Variants in ZNF7 observed in about 807,000 individuals in gnomAD.
ZNF7 encodes the protein C2-H2 type zinc finger protein.
ZNF7 carries 10 observed loss-of-function variants against 12.0 expected under a neutral mutation model. The observed-to-expected ratio is 0.83, with a 90% CI of 0.51 to 1.42. ZNF7 has a LOEUF of 1.42. ZNF7 is among the 40% of genes most tolerant of loss of function. ZNF7 has a pLI of 0.00. For synonymous variants in ZNF7, 334 were observed against 295.0 expected (o/e 1.13, Z -1.35); for missense variants, 854 against 837.2 (o/e 1.02, Z -0.25).
intron 4 of ZNF7, among the ~76,000 whole-genome samples, chr8:144,840,304 C>T (rs1468659944): frequency 1.3e-5 from 2 of 152,208 alleles, no homozygotes; most frequent in African/African-American, 4.8e-5. Flanking sequence ...CTCTGATTCT[C>T]CAGGACTGAT....
chr8:144,841,312 G>A, intron 4 of ZNF7, 43 bp from the exon 5 acceptor site: 1 of 1,544,360 alleles, frequency 6.5e-7, no homozygotes, highest in Non-Finnish European at 8.7e-7. Context: ...TCATTTCTCT[G>A]AGCACAGGGC....
chr8:144,830,242 C>G (rs754765169), intron 3 of ZNF7, among the ~76,000 whole-genome samples: 2 of 152,228 alleles, frequency 1.3e-5, no homozygotes, highest in South Asian at 4.1e-4. Context: ...GGAACTGACG[C>G]GGGCATCGTT....
chr8:144,838,218 G>A lies in ZNF7; in HGVS notation c.247+711G>A, dbSNP rs1427493431. The A allele has an allele frequency of 1.0e-5, 7 of 692,296 alleles. 1 individual carries two copies. In the Admixed American group the frequency reaches 1.4e-4, roughly 14 times the overall value. 42.9% of individuals were successfully genotyped at this position (692,296 alleles called of 1,614,324 possible). A position where few individuals can be genotyped will look rare whatever the true frequency, so the allele number is the denominator to read the frequency against. ...CTCCCTGCGTGTCTGTGTTCATGTG[G>A]CCATCTCCTTAGAAGGACACCAGTC... On this transcript the variant is annotated intron_variant, in intron 4 of 4. Transcript: ENST00000532777.
Position 144,829,466 on chromosome 8 carries a change from G to T in ZNF7, c.4-12G>T. 6.2e-7 allele frequency: 1 copy of T among 1,614,054 alleles called. No individual in the cohort carries two copies. Among genetic ancestry groups the T allele is most frequent in the South Asian group, 1.1e-5 (1 of 91,088 alleles). On this transcript the variant is annotated splice_polypyrimidine_tract_variant and intron_variant, in intron 2 of 4. Coordinates refer to ENST00000532777, the MANE Select transcript of ZNF7 (RefSeq NM_003416.4). ...CCAGGGATTCCTGGGGTGCTGGTGT[G>T]TGTCCTTTCAGGAGGTGGTAACATT...
rs1325427905 is a variant in ZNF7, at chr8:144,843,093, T to C, written c.1986T>C (p.Tyr662=). 1.2e-6 allele frequency: 2 copies of C among 1,612,842 alleles called. No individual in the cohort carries two copies. Among genetic ancestry groups the C allele is most frequent in the Admixed American group, 1.7e-5 (1 of 59,736 alleles). ...GAATTCACACCGGGGAGAAGCCTTATAAATGCAATGACTGTGGCAAAGCTT... is the reference window on the plus strand; with the variant it reads ...GAATTCACACCGGGGAGAAGCCTTACAAATGCAATGACTGTGGCAAAGCTT... ...HQRIHTGEKP[Y]KCNDCGKAFN... is the part of the protein sequence containing the mutation. The change falls in exon 5 of 5, where the codon TAT becomes TAC. Residue 662 remains tyrosine, a synonymous_variant. Transcript: ENST00000532777.
intron 3 of ZNF7, chr8:144,830,820 G>A (rs1026937019): frequency 1.5e-5 from 6 of 391,986 alleles, no homozygotes; most frequent in East Asian, 8.1e-5. Context: ...CGCCACCTCC[G>A]CCTCCTGGGT....
chr8:144,846,627 G>A (rs539348329), downstream of ZNF7: 4 of 162,192 alleles, frequency 2.5e-5, no homozygotes, highest in South Asian at 6.6e-4. Context: ...AAGGCAGCTG[G>A]GTCAGTTCAA....
chr8:144,841,890 C>G lies in ZNF7; in HGVS notation c.783C>G (p.Leu261=). 1 of 1,613,916 alleles carries G rather than the reference C, an allele frequency of 6.2e-7. No homozygotes were observed. The highest frequency in any genetic ancestry group is 1.1e-5 in the South Asian group (1 of 91,070). ...ECAECGKVFR[L]CSQLNQHQRI... is the part of the protein sequence containing the mutation. ...CAGAGTGTGGGAAAGTCTTCAGGCTCTGCTCGCAGCTTAATCAGCATCAGA... is the reference window on the plus strand; with the variant it reads ...CAGAGTGTGGGAAAGTCTTCAGGCTGTGCTCGCAGCTTAATCAGCATCAGA... Residue 261 remains leucine (L), a synonymous_variant, in exon 5 of 5, where the codon CTC becomes CTG. Coordinates refer to ENST00000532777, the MANE Select transcript of ZNF7 (RefSeq NM_003416.4).
downstream of ZNF7, chr8:144,846,421 G>A: frequency 8.7e-6 from 4 of 461,836 alleles, no homozygotes; most frequent in Non-Finnish European, 1.2e-5. Context: ...ACTGTGCACA[G>A]TGTCCCTGGG....
intron 3 of ZNF7, chr8:144,833,788 T>G (rs569496271): frequency 6.6e-6 from 1 of 152,022 alleles, no homozygotes; most frequent in African/African-American, 2.4e-5. Flanking sequence ...CGTTTAATTC[T>G]TTTTTTTCTG....
In ZNF7 at chr8:144,842,928, G is replaced by A. The variant is rs781549082; in HGVS notation, c.1821G>A (p.Gln607=). The change falls in exon 5 of 5, where the codon CAG becomes CAA. Residue 607 remains glutamine (Q), a synonymous_variant. Transcript: ENST00000532777. Reference sequence around the variant, plus strand: ...ACCAGAGAATACACACTAGGGCCCAGTGGTTTTACGAATATGGGAATGCCC... The same window carrying A: ...ACCAGAGAATACACACTAGGGCCCAATGGTTTTACGAATATGGGAATGCCC... The part of the protein sequence containing the change: ...IEHQRIHTRA[Q]WFYEYGNALE... 5 of 1,614,046 alleles carry A rather than the reference G, an allele frequency of 3.1e-6. No homozygotes were observed. The Admixed American group carries it at 8.3e-5, about 27-fold the overall frequency.
chr8:144,841,885 A>C lies in ZNF7; in HGVS notation c.778A>C (p.Arg260=), dbSNP rs1264896104. Residue 260 remains arginine, a synonymous_variant, in exon 5 of 5, where the codon AGG becomes CGG. Transcript: ENST00000532777. Reference sequence around the variant, plus strand: ...ATGTGCAGAGTGTGGGAAAGTCTTCAGGCTCTGCTCGCAGCTTAATCAGCA... The same window carrying C: ...ATGTGCAGAGTGTGGGAAAGTCTTCCGGCTCTGCTCGCAGCTTAATCAGCA... ...YECAECGKVF[R]LCSQLNQHQR... The C allele has an allele frequency of 2.5e-6, 4 of 1,614,130 alleles. No individual in the cohort carries two copies. The South Asian group carries it at 3.3e-5, about 13-fold the overall frequency.
At chr8:144,828,792 C>T (rs996138179) in intron 1 of ZNF7, 3 of 546,670 alleles carry the variant, frequency 5.5e-6, no homozygotes, top group South Asian at 2.2e-5. Context: ...GTGCCTGGCA[C>T]GTGGCATCCA....
At chr8:144,836,254 G>A (rs1302025134) in intron 3 of ZNF7, 2 of 152,214 alleles carry the variant, frequency 1.3e-5, no homozygotes. Context: ...GTTGAGGCGG[G>A]AGGATTGGCC....
In ZNF7 at chr8:144,841,751, G is replaced by A. The variant is rs1287181842; in HGVS notation, c.644G>A (p.Trp215Ter). Residue 215 changes from tryptophan to a stop codon, truncating the protein, a stop_gained, in exon 5 of 5, where the codon TGG (tryptophan) becomes TAG (stop). Transcript: ENST00000532777. LOFTEE classifies it low-confidence loss of function (END_TRUNC). The part of the protein sequence containing the change: ...IRATSDIALH[W>*]EINTQKISRC... ...GCCACTTCAGATATCGCTCTGCATT[G>A]GGAAATTAATACACAGAAAATTAGC... 3 of 1,614,024 alleles carry A rather than the reference G, an allele frequency of 1.9e-6. No individual in the cohort carries two copies. Among genetic ancestry groups the A allele is most frequent in the Non-Finnish European group, 2.5e-6 (3 of 1,180,050 alleles).
intron 3 of ZNF7, chr8:144,830,943 C>T (rs1295492728): frequency 2.2e-6 from 1 of 457,054 alleles, no homozygotes; most frequent in Admixed American, 2.3e-5. Flanking sequence ...TTTAGTGACC[C>T]CACTCTCTGG....
chr8:144,843,866 T>C (rs1371994607), downstream of ZNF7: 1 of 152,194 alleles, frequency 6.6e-6, no homozygotes, highest in Non-Finnish European at 1.5e-5. Context: ...CATTAGCTCA[T>C]GTTGGAGGAG....
At chr8:144,829,126 C>T (rs756927207) in intron 2 of ZNF7, 36 bp downstream of exon 2, 2 of 1,613,164 alleles carry the variant, frequency 1.2e-6, no homozygotes, top group Non-Finnish European at 1.7e-6. Context: ...CCTCGCATGT[C>T]CTGTGAAGGC....
intron 1 of ZNF7, 165 bp from the exon 2 acceptor site, chr8:144,828,878 G>A: frequency 2.6e-6 from 2 of 784,294 alleles, no homozygotes; most frequent in African/African-American, 1.7e-5. Flanking sequence ...AGTTCAGTGG[G>A]CCTCCTTCAC....
Sources: gnomAD v4.1 joint callset for allele counts (sites outside exome capture counted in the v4.1 genomes callset) on GRCh38, gnomAD v4.1.1 for gene constraint, MANE v1.5 for transcripts, NCBI Gene and HGNC (gene_info 2026-07-23, HGNC 2026-07-21) for gene names.